MYO16: variants seen among roughly 807,000 people sequenced by gnomAD.
MYO16 encodes the protein myosin XVI, also known as unconventional myosin-XVI.
Under a neutral mutation model 205.3 loss-of-function variants are expected in MYO16, and 94 were observed. The ratio of observed to expected loss-of-function variants is 0.46; its 90% CI spans 0.39 to 0.54. The LOEUF (loss-of-function observed/expected upper bound fraction) is 0.54. Among genes scored for constraint, MYO16 ranks in the 20% least tolerant of loss-of-function variants. The probability of loss-of-function intolerance (pLI) is 0.00; values close to 1 mark genes in which losing one functional copy is unlikely to be tolerated. For synonymous variants in MYO16, 988 were observed against 954.0 expected (o/e 1.04, Z -0.66); for missense variants, 2,315 against 2,387.5 (o/e 0.97, Z 0.63).
chr13:108,542,887 AT>A, the MYO16 span, among the ~76,000 whole-genome samples: 1 of 151,380 alleles, frequency 6.6e-6, no homozygotes, highest in Non-Finnish European at 1.5e-5. Context: ...ATTTATAGTA[AT>A]TTATTTTATA....
At chr13:109,058,013 A>C (rs969116720) in intron 27 of MYO16, among the ~76,000 whole-genome samples, 3 of 152,132 alleles carry the variant, frequency 2.0e-5, no homozygotes, top group Non-Finnish European at 4.4e-5. Flanking sequence ...ATGAGTGCAC[A>C]TCAAAATCAC....
intron 1 of MYO16, among the ~76,000 whole-genome samples, chr13:108,619,382 A>G (rs1879458601): frequency 6.6e-6 from 1 of 152,166 alleles, no homozygotes. Flanking sequence ...TTTCAAATAT[A>G]AACATATATA....
In MYO16 at chr13:109,140,181, C is replaced by A; in HGVS notation, c.4052-83C>A. The A allele has an allele frequency of 6.5e-7, 1 of 1,545,396 alleles. No individual in the cohort carries two copies. The highest frequency in any genetic ancestry group is 8.6e-7 in the Non-Finnish European group (1 of 1,156,126). ...GGATTCTCGGGGCACGGGGCCGTGG[C>A]TCCCTCCGAGTCGAGCCCCGGGCTT... On this transcript the variant is annotated intron_variant, in intron 31 of 34. Coordinates refer to ENST00000457511, the MANE Select transcript of MYO16 (RefSeq NM_001198950.3). The surrounding 1 kb of genome is among the most constrained non-coding windows in gnomAD (Gnocchi z 8.0).
At chr13:109,065,685 A>G in intron 27 of MYO16, 1 of 381,082 alleles carries the variant, frequency 2.6e-6, no homozygotes, top group Non-Finnish European at 5.0e-6. Context: ...ATGGTCATGA[A>G]GGGCTGTGGC....
chr13:108,864,552 A>T (rs1878611107), intron 11 of MYO16, among the ~76,000 whole-genome samples: 1 of 152,100 alleles, frequency 6.6e-6, no homozygotes, highest in African/African-American at 2.4e-5. Flanking sequence ...TTTTTGAGAC[A>T]GGATCTCACT....
intron 4 of MYO16, among the ~76,000 whole-genome samples, chr13:108,749,425 AAAAC>A (rs1241315862): frequency 1.3e-5 from 2 of 152,194 alleles, no homozygotes; most frequent in African/African-American, 4.8e-5. Flanking sequence ...CAACAATAAG[AAAAC>A]AAACAACCCA....
intron 6 of MYO16, among the ~76,000 whole-genome samples, chr13:108,796,572 G>T (rs1426851807): frequency 2.0e-5 from 3 of 152,060 alleles, no homozygotes; most frequent in African/African-American, 7.2e-5. Flanking sequence ...GTACACCATG[G>T]AATACTATGC....
At chr13:108,559,337 C>T in the MYO16 span, among the ~76,000 whole-genome samples, 2 of 152,106 alleles carry the variant, frequency 1.3e-5, no homozygotes, top group African/African-American at 4.8e-5. Context: ...AGGTTTTCCC[C>T]TAGAATCTGC....
At chr13:108,859,050 G>A (rs929871304) in intron 11 of MYO16, among the ~76,000 whole-genome samples, 3 of 152,048 alleles carry the variant, frequency 2.0e-5, no homozygotes, top group African/African-American at 7.2e-5. Context: ...ATTTGAAATC[G>A]CAAAATGCAC....
Position 109,140,142 on chromosome 13 carries a change from G to A in MYO16, c.4052-122G>A. ...AGCCTAGTGGGTGGAGGAACATGCA[G>A]GCCCGGTCCCTTGGGATTCTCGGGG... is the stretch of plus-strand genomic sequence containing the variant. On this transcript the variant is annotated intron_variant, in intron 31 of 34. Transcript: ENST00000457511. This position sits in a 1 kb window ranked among gnomAD's most constrained non-coding sequence, Gnocchi z 8.0. 2 of 1,473,856 alleles carry A rather than the reference G, an allele frequency of 1.4e-6. No individual in the cohort carries two copies. Among genetic ancestry groups the A allele is most frequent in the South Asian group, 2.7e-5 (2 of 73,822 alleles). 91.3% of individuals were successfully genotyped at this position (1,473,856 alleles called of 1,614,324 possible).
chr13:109,021,145 G>C (rs1886010210), intron 23 of MYO16, among the ~76,000 whole-genome samples: 1 of 152,152 alleles, frequency 6.6e-6, no homozygotes, highest in South Asian at 2.1e-4. Context: ...TCAGGATTCA[G>C]TTGTATAGGA....
chr13:108,702,282 A>C (rs1218139851), intron 2 of MYO16, among the ~76,000 whole-genome samples: 1 of 152,222 alleles, frequency 6.6e-6, no homozygotes, highest in Non-Finnish European at 1.5e-5. Context: ...AAAGGCAAAA[A>C]TTATCTTGAA....
intron 16 of MYO16, among the ~76,000 whole-genome samples, chr13:108,923,209 T>G (rs561406167): frequency 6.6e-6 from 1 of 152,320 alleles, no homozygotes; most frequent in African/African-American, 2.4e-5. Flanking sequence ...GGGGGCTGCG[T>G]GTATCCATCT....
chr13:108,779,292 A>G (rs530801340), intron 4 of MYO16, among the ~76,000 whole-genome samples: 1 of 152,330 alleles, frequency 6.6e-6, no homozygotes, highest in Non-Finnish European at 1.5e-5. Flanking sequence ...CAGGATCCAG[A>G]ATTACCACCA....
chr13:108,863,209 C>T (rs948962772), intron 11 of MYO16, among the ~76,000 whole-genome samples: 1 of 151,890 alleles, frequency 6.6e-6, no homozygotes, highest in South Asian at 2.1e-4. Context: ...TGCATTACTT[C>T]ATGAGATAGA....
chr13:109,023,705 A>G (rs1481576974), intron 23 of MYO16, among the ~76,000 whole-genome samples: 2 of 118,220 alleles, frequency 1.7e-5, no homozygotes. Flanking sequence ...GTATATATGT[A>G]TATATACAAA....
rs552642398 is a variant in MYO16, at chr13:108,953,371, G to A, written c.1926-4317G>A. On this transcript the variant is annotated intron_variant, in intron 16 of 34. Coordinates refer to ENST00000457511, the MANE Select transcript of MYO16 (RefSeq NM_001198950.3). ...CATTGACTAAAAGTTGCCTGCATAG[G>A]CAAGATGTAGTCATTCTGGGAAATA... is the stretch of plus-strand genomic sequence containing the variant. Among the ~76,000 whole-genome samples the A allele has an allele frequency of 3.3e-5, 5 of 152,262 alleles. No individual in the cohort carries two copies. The South Asian group carries it at 1.0e-3, about 32-fold the overall frequency.
At chr13:108,578,769 G>T in the MYO16 span, among the ~76,000 whole-genome samples, 1 of 151,946 alleles carries the variant, frequency 6.6e-6, no homozygotes, top group Admixed American at 6.6e-5. Context: ...CACATCCCCA[G>T]GTCCTTTACT....
chr13:108,876,214 A>G (rs1293786056), intron 12 of MYO16, among the ~76,000 whole-genome samples: 1 of 152,196 alleles, frequency 6.6e-6, no homozygotes, highest in Non-Finnish European at 1.5e-5. Flanking sequence ...AAAAATGAAA[A>G]AAGTTCAAGC....
Sources: allele counts gnomAD v4.1 joint callset (sites outside exome capture counted in the v4.1 genomes callset), GRCh38; gene constraint gnomAD v4.1.1; non-coding constraint Gnocchi (gnomAD v3.1); transcripts MANE v1.5; gene names NCBI Gene and HGNC (gene_info 2026-07-23, HGNC 2026-07-21).